Variants in ZNF148 observed in about 807,000 individuals in gnomAD.
ZNF148 encodes zinc finger protein 148.
A neutral mutation model predicts 67.7 loss-of-function variants in ZNF148; 7 were observed. That is an observed-to-expected ratio of 0.10 (90% CI 0.06 to 0.19). ZNF148 has a LOEUF of 0.19. Among genes scored for constraint, ZNF148 ranks in the 10% least tolerant of loss-of-function variants. ZNF148 has a pLI of 1.00. For synonymous variants in ZNF148, 333 were observed against 330.7 expected, an observed-to-expected ratio of 1.01 and a Z score of -0.08; for missense variants, 583 against 947.1, an observed-to-expected ratio of 0.62 and a Z score of 5.05.
At chr3:125,240,575 G>C (rs1936304441) in intron 7 of ZNF148, among the ~76,000 whole-genome samples, 1 of 152,046 alleles carries the variant, frequency 6.6e-6, no homozygotes, top group Non-Finnish European at 1.5e-5. Flanking sequence ...ACCAGTCTGG[G>C]TGACACAGTG....
chr3:125,297,818 T>G (rs1939363257), intron 4 of ZNF148, among the ~76,000 whole-genome samples: 1 of 152,184 alleles, frequency 6.6e-6, no homozygotes, highest in African/African-American at 2.4e-5. Flanking sequence ...TCTGTCAGTA[T>G]GTACTAAAGC....
At chr3:125,243,591 G>A (rs1277550135) in intron 7 of ZNF148, among the ~76,000 whole-genome samples, 1 of 152,086 alleles carries the variant, frequency 6.6e-6, no homozygotes, top group Admixed American at 6.6e-5. Context: ...CACAATCATA[G>A]CTCACTGCAG....
intron 1 of ZNF148, among the ~76,000 whole-genome samples, chr3:125,353,296 G>A (rs1271482814): frequency 6.6e-6 from 1 of 152,044 alleles, no homozygotes; most frequent in Non-Finnish European, 1.5e-5. Flanking sequence ...TTGGAATGGG[G>A]TGGGAACATA....
At position 125,233,097 on chromosome 3, in the gene ZNF148, A is replaced by T; in HGVS notation, c.1629T>A (p.Thr543=). 6.2e-7 allele frequency: 1 copy of T among 1,613,706 alleles called. No homozygotes were observed. Among genetic ancestry groups the T allele is most frequent in the Non-Finnish European group, 8.5e-7 (1 of 1,179,872 alleles). The change falls in exon 9 of 9, where the codon ACT becomes ACA. Residue 543 remains threonine, a synonymous_variant. Coordinates refer to ENST00000360647, the MANE Select transcript of ZNF148 (RefSeq NM_021964.3). The surrounding 1 kb of genome is among the most constrained non-coding windows in gnomAD (Gnocchi z 5.1). ...CTTTGTGGGAATAATGATCCAACAG[A>T]GTCTGCAGTACCTCATCTGGAATAA... The part of the protein sequence containing the change: ...KNVIPDEVLQ[T]LLDHYSHKAN...
At chr3:125,315,376 A>G (rs1227426378) in intron 3 of ZNF148, among the ~76,000 whole-genome samples, 1 of 152,080 alleles carries the variant, frequency 6.6e-6, no homozygotes, top group Non-Finnish European at 1.5e-5. Flanking sequence ...AGAAACAACC[A>G]TTAAATATAT....
At chr3:125,341,412 A>T in intron 1 of ZNF148, among the ~76,000 whole-genome samples, 1 of 151,994 alleles carries the variant, frequency 6.6e-6, no homozygotes. Flanking sequence ...TCTGCTCAGG[A>T]GGGTAAGACC....
intron 7 of ZNF148, among the ~76,000 whole-genome samples, chr3:125,250,799 T>G (rs975960929): frequency 6.6e-6 from 1 of 152,166 alleles, no homozygotes; most frequent in Non-Finnish European, 1.5e-5. Context: ...ACCACAAAAT[T>G]TCCTTTTATT....
At chr3:125,285,907 G>A (rs765390946) in intron 5 of ZNF148, among the ~76,000 whole-genome samples, 8 of 152,004 alleles carry the variant, frequency 5.3e-5, no homozygotes, top group South Asian at 2.1e-4. Context: ...TGAGTTTATC[G>A]CAAATTAGAC....
At chr3:125,286,163 T>G (rs1288350874) in intron 5 of ZNF148, among the ~76,000 whole-genome samples, 1 of 152,112 alleles carries the variant, frequency 6.6e-6, no homozygotes, top group African/African-American at 2.4e-5. Context: ...ATTCTATATC[T>G]GAAGAACTTG....
At position 125,232,164 on chromosome 3, in the gene ZNF148, A is replaced by G. The variant is rs1189530911; in HGVS notation, c.*177T>C. 4.1e-6 allele frequency: 3 copies of G among 730,380 alleles called. No homozygotes were observed. The highest frequency in any genetic ancestry group is 6.2e-6 in the Non-Finnish European group (3 of 481,138). 45.2% of individuals were successfully genotyped at this position (730,380 alleles called of 1,614,324 possible). A position where few individuals can be genotyped will look rare whatever the true frequency, so the allele number is the denominator to read the frequency against. ...GGTGACAACATGTAAGGCAGTTCAA[A>G]GAATGCTGACTAACCAAACGAAATG... On this transcript the variant is annotated 3_prime_UTR_variant, in exon 9 of 9. Coordinates refer to ENST00000360647, the MANE Select transcript of ZNF148 (RefSeq NM_021964.3). This position sits in a 1 kb window ranked among gnomAD's most constrained non-coding sequence, Gnocchi z 4.2.
chr3:125,303,065 C>T (rs139508749), intron 4 of ZNF148, among the ~76,000 whole-genome samples: 130 of 152,240 alleles, frequency 8.5e-4, no homozygotes, highest in African/African-American at 2.9e-3. Flanking sequence ...ACAACCTGGA[C>T]GACTCTCAAG....
intron 2 of ZNF148, among the ~76,000 whole-genome samples, chr3:125,327,352 A>C (rs1941075439): frequency 6.6e-6 from 1 of 152,174 alleles, no homozygotes; most frequent in South Asian, 2.1e-4. Context: ...GAAAATTAGC[A>C]AAGACAGAGA....
At chr3:125,307,331 T>A (rs1436657397) in intron 4 of ZNF148, among the ~76,000 whole-genome samples, 1 of 150,440 alleles carries the variant, frequency 6.6e-6, no homozygotes, top group Non-Finnish European at 1.5e-5. Flanking sequence ...TGAGACGGAG[T>A]CTCGCTCTGT....
chr3:125,331,850 G>T (rs901728237), intron 1 of ZNF148, among the ~76,000 whole-genome samples: 1 of 152,084 alleles, frequency 6.6e-6, no homozygotes, highest in Non-Finnish European at 1.5e-5. Flanking sequence ...CTGCATTGAT[G>T]CCGACCACAG....
chr3:125,323,255 A>G (rs1182724481), intron 3 of ZNF148, 54 bp downstream of exon 3: 2 of 496,572 alleles, frequency 4.0e-6, no homozygotes, highest in African/African-American at 2.0e-5. Context: ...CAATGACTTC[A>G]TATTTGAAAA....
chr3:125,337,402 T>C (rs1941543647), intron 1 of ZNF148, among the ~76,000 whole-genome samples: 1 of 152,344 alleles, frequency 6.6e-6, no homozygotes, highest in East Asian at 1.9e-4. Context: ...ACAGTGAGGA[T>C]GCTGCACTAA....
intron 7 of ZNF148, among the ~76,000 whole-genome samples, chr3:125,253,627 C>T (rs1936944396): frequency 6.6e-6 from 1 of 152,128 alleles, no homozygotes; most frequent in African/African-American, 2.4e-5. Context: ...TAAGATGTTA[C>T]TAATAGGAAG....
chr3:125,290,151 T>C (rs1938928892), intron 4 of ZNF148, among the ~76,000 whole-genome samples: 2 of 152,216 alleles, frequency 1.3e-5, no homozygotes, highest in Admixed American at 1.3e-4. Context: ...AGTCTCCCTC[T>C]GGGCTTCCCA....
intron 7 of ZNF148, among the ~76,000 whole-genome samples, chr3:125,271,865 C>T (rs1937757521): frequency 6.6e-6 from 1 of 152,098 alleles, no homozygotes; most frequent in South Asian, 2.1e-4. Flanking sequence ...CACTGCTTGG[C>T]CTCCTGTCCA....
Sources: gnomAD v4.1 joint callset for allele counts (sites outside exome capture counted in the v4.1 genomes callset) on GRCh38, gnomAD v4.1.1 for gene constraint, Gnocchi (gnomAD v3.1) non-coding constraint, MANE v1.5 for transcripts, NCBI Gene and HGNC (gene_info 2026-07-23, HGNC 2026-07-21) for gene names.